NCOR2: variants seen among roughly 807,000 people sequenced by gnomAD.
NCOR2 encodes CTG repeat protein 26.
NCOR2 carries 81 observed loss-of-function variants against 262.9 expected under a neutral mutation model. The ratio of observed to expected loss-of-function variants is 0.31; its 90% CI spans 0.26 to 0.37. NCOR2 has a LOEUF of 0.37. Among genes scored for constraint, NCOR2 ranks in the 10% least tolerant of loss-of-function variants. The pLI, the probability that NCOR2 is intolerant of heterozygous loss-of-function variation, is 1.00. For synonymous variants in NCOR2, 1,659 were observed against 1,559.3 expected (o/e 1.06, Z -1.51); for missense variants, 3,385 against 3,621.4 (o/e 0.93, Z 1.68).
At chr12:124,325,385 CCCCG>C in exon 47 of NCOR2, 44 of 539,410 alleles carry the variant, frequency 8.2e-5, no homozygotes, top group Non-Finnish European at 1.0e-4. Flanking sequence ...CCGCCCCCCC[CCCCG>C]CCCTGTTCTG....
At chr12:124,409,966 A>G (rs1051739878) in intron 13 of NCOR2, among the ~76,000 whole-genome samples, 3 of 151,846 alleles carry the variant, frequency 2.0e-5, no homozygotes, top group East Asian at 3.9e-4. Flanking sequence ...GGCATGAGCC[A>G]CCGCACCGGG....
Position 124,354,675 on chromosome 12 carries a change from G to A in NCOR2, c.3485-93C>T, listed in dbSNP as rs974715927. On this transcript the variant is annotated intron_variant, in intron 25 of 46. Transcript: ENST00000405201. ...CAACCTGAGCCAGGGGCTGGGAAGC[G>A]CTGCCCCTCCCCACCATGTTCCAGC... 58 of 1,324,736 alleles carry A rather than the reference G, an allele frequency of 4.4e-5. No homozygotes were observed. The African/African-American group carries it at 6.4e-4, about 15-fold the overall frequency. The allele number at this position is 1,324,736 out of a possible 1,614,324, so 82.1% of individuals were successfully genotyped here. A position where few individuals can be genotyped will look rare whatever the true frequency, so the allele number is the denominator to read the frequency against.
At chr12:124,371,881 C>T (rs773557216) in intron 20 of NCOR2, 141 bp downstream of exon 22, 14 of 850,990 alleles carry the variant, frequency 1.6e-5, no homozygotes, top group East Asian at 2.8e-5. Flanking sequence ...CTGGACTCTA[C>T]TCCAAGTCTG....
rs1216018761 is a variant in NCOR2, at chr12:124,483,433, C to A, written c.411+163G>T. ...CACCTCCAGAGACCCAGCGCCTGCC[C>A]TCTTCCTGCCACCCAGCTCTGTGCA... On this transcript the variant is annotated intron_variant, in intron 3 of 46. Transcript: ENST00000405201. This position sits in a 1 kb window ranked among gnomAD's most constrained non-coding sequence, Gnocchi z 6.3. Among the ~76,000 whole-genome samples the A allele has an allele frequency of 2.0e-5, 3 of 152,182 alleles. No homozygotes were observed. The highest frequency in any genetic ancestry group is 7.2e-5 in the African/African-American group (3 of 41,442).
At chr12:124,373,789 G>A (rs2660378) in intron 19 of NCOR2, among the ~76,000 whole-genome samples, 5,954 of 8,044 alleles carry the variant, frequency 0.74, 2,589 homozygotes, top group Middle Eastern at 1. Context: ...CCCTGGGCAC[G>A]GTGGACAATC....
At chr12:124,420,509 A>G (rs895432435) in intron 12 of NCOR2, among the ~76,000 whole-genome samples, 10 of 151,992 alleles carry the variant, frequency 6.6e-5, no homozygotes, top group African/African-American at 1.9e-4. Flanking sequence ...CTCTTCCCTG[A>G]TATTTGAGGT....
chr12:124,376,268 C>T (rs894739996), intron 18 of NCOR2, among the ~76,000 whole-genome samples: 2 of 152,358 alleles, frequency 1.3e-5, no homozygotes, highest in South Asian at 2.1e-4. Context: ...TGCCCCTCCC[C>T]GTCCCTACGG....
At chr12:124,399,152 C>G (rs934609355) in intron 15 of NCOR2, among the ~76,000 whole-genome samples, 3 of 152,060 alleles carry the variant, frequency 2.0e-5, no homozygotes, top group African/African-American at 7.2e-5. Context: ...CCCCCATGGG[C>G]AGCCCCATCA....
In NCOR2 at chr12:124,378,918, C is replaced by G. The variant is rs1437398565; in HGVS notation, c.2020-534G>C. ...CACAAGGCACGGGGTAGACAAGGTC[C>G]TGCCCTTGGAGGCTGCCCTGCCGCT... On this transcript the variant is annotated intron_variant, in intron 17 of 46. Transcript: ENST00000405201. This position sits in a 1 kb window ranked among gnomAD's most constrained non-coding sequence, Gnocchi z 4.2. 1.3e-5 allele frequency among the ~76,000 whole-genome samples: 2 copies of G among 152,248 alleles called. No individual in the cohort carries two copies. The highest frequency in any genetic ancestry group is 1.9e-4 in the East Asian group (1 of 5,198).
intron 2 of NCOR2, among the ~76,000 whole-genome samples, chr12:124,484,588 C>T (rs1308636698): frequency 1.3e-5 from 2 of 152,196 alleles, no homozygotes; most frequent in Non-Finnish European, 2.9e-5. Flanking sequence ...TGGCCTGGCC[C>T]TCGCTGTCCC....
At chr12:124,455,278 C>CT (rs1421873773) in intron 6 of NCOR2, among the ~76,000 whole-genome samples, 1 of 152,254 alleles carries the variant, frequency 6.6e-6, no homozygotes, top group East Asian at 1.9e-4. Context: ...AAAAAACAAG[C>CT]AAGCAGCAGC....
rs1255140952 is a variant in NCOR2 at position 124,404,542 on chromosome 12, AGGCTAATGTCTGCTCC to A, written c.1483-1997_1483-1982del. 3.9e-5 allele frequency among the ~76,000 whole-genome samples: 6 copies of A among 152,334 alleles called. No individual in the cohort carries two copies. The East Asian group carries it at 1.2e-3, about 29-fold the overall frequency. Reference sequence around the variant, plus strand: ...GGCCTCACCCATGGACCAACGAATCAGGCTAATGTCTGCTCCGGCATGGCCAGTAAATGCAGCTCCA... The same window carrying A: ...GGCCTCACCCATGGACCAACGAATCAGGCATGGCCAGTAAATGCAGCTCCA... On this transcript the variant is annotated intron_variant, in intron 13 of 46. Transcript: ENST00000405201.
intron 22 of NCOR2, among the ~76,000 whole-genome samples, chr12:124,360,026 G>C (rs1323935709): frequency 6.6e-6 from 1 of 152,230 alleles, no homozygotes; most frequent in Admixed American, 6.5e-5. Flanking sequence ...AACGGGCTGA[G>C]TGCCAGCCGC....
At chr12:124,365,409 G>A (rs536738259) in intron 20 of NCOR2, among the ~76,000 whole-genome samples, 8 of 152,310 alleles carry the variant, frequency 5.3e-5, no homozygotes, top group East Asian at 3.9e-4. Context: ...GATGCCTGGC[G>A]CCCAGAGGCA....
exon 35 of NCOR2, chr12:124,340,722 G>T: frequency 1.3e-6 from 2 of 1,546,432 alleles, no homozygotes; most frequent in South Asian, 1.2e-5. Flanking sequence ...AGCACAGGCA[G>T]GTGTGGCACT....
chr12:124,543,396 C>T (rs900991029), intron 1 of NCOR2, among the ~76,000 whole-genome samples: 10 of 152,246 alleles, frequency 6.6e-5, no homozygotes, highest in African/African-American at 2.4e-4. Context: ...AGGCCACGTG[C>T]ATCTCCACTG....
At chr12:124,567,160 C>A (rs2052273864) in intron 1 of NCOR2, 148 bp downstream of exon 1, 1 of 152,132 alleles carries the variant, frequency 6.6e-6, no homozygotes, top group South Asian at 2.1e-4. Flanking sequence ...CCTTGCTCCC[C>A]AGCAGGCCAC....
chr12:124,409,176 T>C (rs939827401), intron 13 of NCOR2, among the ~76,000 whole-genome samples: 1 of 152,240 alleles, frequency 6.6e-6, no homozygotes, highest in Non-Finnish European at 1.5e-5. Flanking sequence ...GCCGAGGCTC[T>C]GTTGTAAATC....
At chr12:124,472,865 G>C in intron 4 of NCOR2, 87 bp downstream of exon 6, 1 of 1,564,694 alleles carries the variant, frequency 6.4e-7, no homozygotes, top group Non-Finnish European at 8.8e-7. Context: ...CTTGGGAAGG[G>C]CTTGGCACAT....
Sources: allele counts gnomAD v4.1 joint callset (sites outside exome capture counted in the v4.1 genomes callset), GRCh38; gene constraint gnomAD v4.1.1; non-coding constraint Gnocchi (gnomAD v3.1); transcripts MANE v1.5; gene names NCBI Gene and HGNC (gene_info 2026-07-23, HGNC 2026-07-21).